The following CADM2 variants were observed in gnomAD, a reference collection of about 807,000 sequenced individuals.
CADM2 encodes the protein immunoglobulin superfamily member 4D.
A neutral mutation model predicts 49.8 loss-of-function variants in CADM2; 12 were observed. That is an observed-to-expected ratio of 0.24 (90% CI 0.15 to 0.39). The LOEUF (loss-of-function observed/expected upper bound fraction) is 0.39. CADM2 is among the 10% of genes least tolerant of loss of function. The probability of loss-of-function intolerance (pLI) is 1.00; values close to 1 mark genes in which losing one functional copy is unlikely to be tolerated. For synonymous variants in CADM2, 214 were observed against 175.4 expected, an observed-to-expected ratio of 1.22 and a Z score of -1.74; for missense variants, 378 against 492.3, an observed-to-expected ratio of 0.77 and a Z score of 2.20.
rs539786224 is a variant in CADM2 at position 85,330,636 on chromosome 3, C to T, written c.61+370968C>T. On this transcript the variant is annotated intron_variant, in intron 1 of 9. Transcript: ENST00000383699. ...CAATGTCTTTATAAATCCACCCTAA[C>T]TTATTAACTGTTTAAAAACACTTCA... Among the ~76,000 whole-genome samples the T allele has an allele frequency of 5.3e-5, 8 of 152,076 alleles. No individual in the cohort carries two copies. The South Asian group carries it at 1.7e-3, about 32-fold the overall frequency.
chr3:85,478,110 A>T (rs1448351729), intron 1 of CADM2, among the ~76,000 whole-genome samples: 1 of 151,942 alleles, frequency 6.6e-6, no homozygotes, highest in Non-Finnish European at 1.5e-5. Context: ...TTTCATGGAC[A>T]TCTAAACCTT....
chr3:85,473,876 G>A (rs959629726), intron 1 of CADM2, among the ~76,000 whole-genome samples: 8 of 151,908 alleles, frequency 5.3e-5, no homozygotes, highest in Admixed American at 1.3e-4. Context: ...AAAACCTAAA[G>A]TCAAATCCAG....
chr3:85,013,467 T>G (rs1318988700), intron 1 of CADM2, among the ~76,000 whole-genome samples: 1 of 151,828 alleles, frequency 6.6e-6, no homozygotes, highest in Non-Finnish European at 1.5e-5. Flanking sequence ...TTTTATGAGA[T>G]CTAAGGAGAA....
At chr3:85,797,447 T>C (rs1400021831) in intron 2 of CADM2, among the ~76,000 whole-genome samples, 1 of 152,100 alleles carries the variant, frequency 6.6e-6, no homozygotes, top group Non-Finnish European at 1.5e-5. Context: ...GATGTTCCTC[T>C]CCTTGTATCC....
At chr3:85,713,493 A>G (rs1445269757) in intron 1 of CADM2, among the ~76,000 whole-genome samples, 1 of 152,096 alleles carries the variant, frequency 6.6e-6, no homozygotes, top group Admixed American at 6.6e-5. Flanking sequence ...TTTATCAATA[A>G]TATATAGAAA....
chr3:84,991,372 T>C (rs139264094), intron 1 of CADM2, among the ~76,000 whole-genome samples: 1 of 152,060 alleles, frequency 6.6e-6, no homozygotes, highest in East Asian at 1.9e-4. Flanking sequence ...GGGGGCAAAA[T>C]TGTGAAACAA....
At chr3:85,320,300 T>C (rs2044567005) in intron 1 of CADM2, among the ~76,000 whole-genome samples, 1 of 152,218 alleles carries the variant, frequency 6.6e-6, no homozygotes, top group Non-Finnish European at 1.5e-5. Flanking sequence ...AAGCAAATAC[T>C]GATCAAGTCA....
intron 1 of CADM2, among the ~76,000 whole-genome samples, chr3:85,230,053 G>C (rs2042252282): frequency 6.6e-6 from 1 of 152,150 alleles, no homozygotes; most frequent in South Asian, 2.1e-4. Context: ...CTCTAATGCT[G>C]GGAAATCAAC....
At chr3:85,524,875 C>A (rs748518932) in intron 1 of CADM2, among the ~76,000 whole-genome samples, 2 of 152,102 alleles carry the variant, frequency 1.3e-5, no homozygotes, top group Non-Finnish European at 2.9e-5. Context: ...TGAACTGATA[C>A]CTGCATTAAG....
intron 1 of CADM2, among the ~76,000 whole-genome samples, chr3:85,452,795 A>G (rs902403253): frequency 1.3e-5 from 2 of 152,158 alleles, no homozygotes; most frequent in African/African-American, 4.8e-5. Context: ...TTAAACAATG[A>G]CCATTTTGGA....
chr3:85,736,817 A>G (rs2068158614), intron 2 of CADM2, among the ~76,000 whole-genome samples: 1 of 152,186 alleles, frequency 6.6e-6, no homozygotes. Flanking sequence ...AGAGACTACT[A>G]TAGATGACAA....
chr3:84,986,739 A>G (rs1272438782), intron 1 of CADM2, among the ~76,000 whole-genome samples: 1 of 150,260 alleles, frequency 6.7e-6, no homozygotes, highest in Non-Finnish European at 1.5e-5. Flanking sequence ...TGTACCCTAA[A>G]ACTTAAAGTA....
intron 3 of CADM2, among the ~76,000 whole-genome samples, chr3:85,816,118 CG>C (rs1310447077): frequency 1.3e-5 from 2 of 151,528 alleles, no homozygotes; most frequent in African/African-American, 4.8e-5. Flanking sequence ...TAACTTTTAC[CG>C]TTTTTCCTGT....
chr3:85,420,775 A>T (rs942512964), intron 1 of CADM2, among the ~76,000 whole-genome samples: 2 of 152,228 alleles, frequency 1.3e-5, no homozygotes, highest in African/African-American at 4.8e-5. Context: ...AAATATAAGG[A>T]TGACTCAGAA....
intron 1 of CADM2, among the ~76,000 whole-genome samples, chr3:85,516,573 T>C (rs886501635): frequency 6.6e-6 from 1 of 152,074 alleles, no homozygotes; most frequent in Admixed American, 6.6e-5. Flanking sequence ...TAGTTTCATA[T>C]AGTAGTCTTT....
At chr3:85,037,112 G>C (rs2035249558) in intron 1 of CADM2, among the ~76,000 whole-genome samples, 1 of 152,050 alleles carries the variant, frequency 6.6e-6, no homozygotes, top group African/African-American at 2.4e-5. Context: ...AGAGGTTGCA[G>C]TGAGCTAAGA....
At chr3:85,673,191 A>G (rs1022868042) in intron 1 of CADM2, among the ~76,000 whole-genome samples, 1 of 152,210 alleles carries the variant, frequency 6.6e-6, no homozygotes, top group Non-Finnish European at 1.5e-5. Context: ...GCCTGTGTAT[A>G]GGGACAGAAG....
At chr3:86,024,058 T>C (rs1733555208) in intron 8 of CADM2, among the ~76,000 whole-genome samples, 1 of 152,204 alleles carries the variant, frequency 6.6e-6, no homozygotes, top group African/African-American at 2.4e-5. Context: ...AAAGAAATAT[T>C]TACAATTTGA....
intron 1 of CADM2, among the ~76,000 whole-genome samples, chr3:85,203,772 AAAT>A (rs1386245603): frequency 1.3e-5 from 2 of 152,222 alleles, no homozygotes; most frequent in African/African-American, 4.8e-5. Context: ...TAGCTAAGTA[AAAT>A]AGGCTCTATA....
Sources: allele counts gnomAD v4.1 joint callset (sites outside exome capture counted in the v4.1 genomes callset), GRCh38; gene constraint gnomAD v4.1.1; transcripts MANE v1.5; gene names NCBI Gene and HGNC (gene_info 2026-07-23, HGNC 2026-07-21).